Variants in CCDC88C observed in about 807,000 individuals in gnomAD.
The protein encoded by CCDC88C is coiled-coil and HOOK domain protein 88C.
Under a neutral mutation model 198.8 loss-of-function variants are expected in CCDC88C, and 131 were observed. That is an observed-to-expected ratio of 0.66 (90% CI 0.57 to 0.76). The LOEUF (loss-of-function observed/expected upper bound fraction) is 0.76, where lower values mean the gene tolerates loss of function less well. CCDC88C is among the 30% of genes least tolerant of loss of function. The pLI is 0.00. For missense variants in CCDC88C, 2,553 were observed against 2,631.6 expected (o/e 0.97, Z 0.65); for synonymous variants, 1,166 against 1,114.7 (o/e 1.05, Z -0.92).
At chr14:91,379,496 A>C in intron 3 of CCDC88C, 1 of 350,250 alleles carries the variant, frequency 2.9e-6, no homozygotes, top group Non-Finnish European at 5.3e-6. Context: ...GCAGCTAGGA[A>C]CTGGGCCCAC....
intron 26 of CCDC88C, 148 bp from the exon 27 acceptor site, chr14:91,281,673 C>A: frequency 1.5e-6 from 1 of 678,882 alleles, no homozygotes; most frequent in Middle Eastern, 4.0e-4. Context: ...TTGGGACCTG[C>A]CTCTCCTACC....
chr14:91,309,111 C>T (rs1256847046), intron 16 of CCDC88C, among the ~76,000 whole-genome samples: 2 of 152,172 alleles, frequency 1.3e-5, no homozygotes, highest in Non-Finnish European at 2.9e-5. Flanking sequence ...TGTCTGTAAT[C>T]TCAGCTACTC....
chr14:91,378,014 T>TG (rs148160005), intron 3 of CCDC88C, among the ~76,000 whole-genome samples: 29,403 of 151,186 alleles, frequency 0.19, 3,262 homozygotes, highest in Non-Finnish European at 0.26. Flanking sequence ...AAGAGGAGAG[T>TG]GGTACAGAAT....
intron 3 of CCDC88C, among the ~76,000 whole-genome samples, chr14:91,394,824 A>T (rs1032333542): frequency 6.6e-6 from 1 of 152,342 alleles, no homozygotes; most frequent in African/African-American, 2.4e-5. Flanking sequence ...CACACTCGCA[A>T]GATTAATCCA....
chr14:91,306,956 G>A (rs1218189698), intron 18 of CCDC88C, 82 bp downstream of exon 18: 3 of 1,376,866 alleles, frequency 2.2e-6, no homozygotes, highest in Non-Finnish European at 2.9e-6. Flanking sequence ...TTACAGCAAT[G>A]ACAAGTCATC....
At chr14:91,276,394 G>T (rs1889966484) in intron 29 of CCDC88C, among the ~76,000 whole-genome samples, 1 of 152,204 alleles carries the variant, frequency 6.6e-6, no homozygotes, top group African/African-American at 2.4e-5. Flanking sequence ...TAAGTGCTTG[G>T]GAAAGAGAAA....
chr14:91,410,658 G>A (rs527365984), intron 2 of CCDC88C, among the ~76,000 whole-genome samples: 82 of 152,278 alleles, frequency 5.4e-4, no homozygotes, highest in African/African-American at 1.9e-3. Flanking sequence ...AAGTGTTCCT[G>A]GCAGCATAAA....
chr14:91,272,795 AG>A lies in CCDC88C; in HGVS notation c.5916del (p.Cys1973AlafsTer92). The A allele has an allele frequency of 6.2e-7, 1 of 1,602,322 alleles. No individual in the cohort carries two copies. Among genetic ancestry groups the A allele is most frequent in the Non-Finnish European group, 8.5e-7 (1 of 1,175,108 alleles). On this transcript the variant is annotated frameshift_variant, in exon 30 of 30. Transcript: ENST00000389857. LOFTEE classifies it high-confidence loss of function. ...CTCTTGGCCGGAAGCCCCTCACTGC[AG>A]CCCTGCCCCGGGACCCCGTCTCCCT... is the stretch of plus-strand genomic sequence containing the variant. ...LSEGDGVPGQ[G>X]CSEGLPAKSP...
At chr14:91,402,390 C>T (rs748018145) in intron 3 of CCDC88C, among the ~76,000 whole-genome samples, 4 of 152,224 alleles carry the variant, frequency 2.6e-5, no homozygotes, top group Non-Finnish European at 5.9e-5. Flanking sequence ...GCATGCTTAT[C>T]TAATACAACT....
chr14:91,417,250 CATGAG>C (rs1428953537), intron 1 of CCDC88C: 2 of 699,676 alleles, frequency 2.9e-6, no homozygotes, highest in African/African-American at 3.5e-5. Flanking sequence ...AGAAAAACTA[CATGAG>C]ATATTTGGTT....
intron 14 of CCDC88C, 56 bp from the exon 15 acceptor site, chr14:91,314,206 A>T: frequency 7.3e-7 from 1 of 1,374,456 alleles, no homozygotes; most frequent in Non-Finnish European, 1.0e-6. Flanking sequence ...TATTTCAGTG[A>T]CATGGGCTCA....
At position 91,278,048 on chromosome 14, in the gene CCDC88C, C is replaced by T. The variant is rs1596014071; in HGVS notation, c.4932G>A (p.Glu1644=). 1.2e-6 allele frequency: 2 copies of T among 1,609,250 alleles called. No homozygotes were observed. The highest frequency in any genetic ancestry group is 1.7e-6 in the Non-Finnish European group (2 of 1,177,942). ...PLPRNGPLPQ[E]GAQKRGTAPP... is the part of the protein sequence containing the mutation. ...GGGCTGTGCCCCTCTTCTGGGCACC[C>T]TCCTGTGGGAGAGGCCCGTTCCGAG... is the stretch of plus-strand genomic sequence containing the variant. Residue 1644 remains glutamate, a synonymous_variant, in exon 29 of 30, where the codon GAG becomes GAA. Coordinates refer to ENST00000389857, the MANE Select transcript of CCDC88C (RefSeq NM_001080414.4).
rs1890236117 is a variant in CCDC88C, at chr14:91,282,406, TA to T, written c.4631-882del. ...GGATATTTTCCTATCTCTTAAATTATAAGGGGAATGCCCTTTTCCGTTTTAA... is the reference window on the plus strand; with the variant it reads ...GGATATTTTCCTATCTCTTAAATTATAGGGGAATGCCCTTTTCCGTTTTAA... On this transcript the variant is annotated intron_variant, in intron 26 of 29. Transcript: ENST00000389857. Among the ~76,000 whole-genome samples, 4 of 152,382 alleles carry T rather than the reference TA, an allele frequency of 2.6e-5. No individual in the cohort carries two copies. The South Asian group carries it at 8.3e-4, about 32-fold the overall frequency.
intron 13 of CCDC88C, among the ~76,000 whole-genome samples, chr14:91,319,929 G>A (rs532068121): frequency 2.0e-5 from 3 of 150,136 alleles, no homozygotes; most frequent in African/African-American, 7.4e-5. Context: ...GGAGGCTGAG[G>A]CAGGAGAATC....
chr14:91,300,307 T>TCC (rs1241060469), intron 20 of CCDC88C, among the ~76,000 whole-genome samples: 1 of 152,194 alleles, frequency 6.6e-6, no homozygotes, highest in Non-Finnish European at 1.5e-5. Context: ...GCCCGTTCTG[T>TCC]CTCCATAGTC....
chr14:91,417,818 G>A lies in CCDC88C; in HGVS notation c.-128C>T. ...CGGCGGCTCGCGCCCGGGAGACAAA[G>A]GCGGGGCGCGCGAGCCCACGTTCCG... is the stretch of plus-strand genomic sequence containing the variant. On this transcript the variant is annotated 5_prime_UTR_variant, in exon 1 of 30. Transcript: ENST00000389857. 1 of 420,784 alleles carries A rather than the reference G, an allele frequency of 2.4e-6. No homozygotes were observed. The highest frequency in any genetic ancestry group is 3.4e-6 in the Non-Finnish European group (1 of 292,716). The allele number at this position is 420,784 out of a possible 1,614,324, so 26.1% of individuals were successfully genotyped here.
Position 91,273,193 on chromosome 14 carries a change from G to A in CCDC88C, c.5519C>T (p.Thr1840Ile), listed in dbSNP as rs757901034. The change falls in exon 30 of 30, where the codon ACA becomes ATA. Residue 1840 changes from threonine (T) to isoleucine (I), a missense_variant. By Grantham distance (89) the Thr-to-Ile change is moderately conservative (BLOSUM62 -1). Coordinates refer to ENST00000389857, the MANE Select transcript of CCDC88C (RefSeq NM_001080414.4). The surrounding 1 kb of genome is among the most constrained non-coding windows in gnomAD (Gnocchi z 5.6). The part of the protein sequence containing the change: ...GAPEALGGRE[T>I]GSHTLQSPAP... ...GGGGCTTTGCAGGGTGTGGCTGCCT[G>A]TCTCTCTGCCCCCTAAGGCCTCAGG... The A allele has an allele frequency of 3.8e-6, 6 of 1,575,798 alleles. No individual in the cohort carries two copies. Among genetic ancestry groups the A allele is most frequent in the African/African-American group, 1.3e-5 (1 of 74,204 alleles).
In CCDC88C at chr14:91,278,222, G is replaced by C. The variant is rs753718761; in HGVS notation, c.4769-11C>G. 40 of 1,585,038 alleles carry C rather than the reference G, an allele frequency of 2.5e-5. No homozygotes were observed. The highest frequency in any genetic ancestry group is 3.4e-5 in the Non-Finnish European group (40 of 1,162,062). ...GCTGCTCGGAGGAGCCTGGGTGTCA[G>C]GGCAGGAGACAGAGGACCCTCATCA... On this transcript the variant is annotated splice_polypyrimidine_tract_variant and intron_variant, in intron 28 of 29. Transcript: ENST00000389857.
chr14:91,305,216 C>T (rs1351682444), intron 19 of CCDC88C, among the ~76,000 whole-genome samples: 1 of 152,132 alleles, frequency 6.6e-6, no homozygotes, highest in Non-Finnish European at 1.5e-5. Context: ...CAAACAAAAA[C>T]TGCAATAAAT....
Sources: gnomAD v4.1 joint callset for allele counts (sites outside exome capture counted in the v4.1 genomes callset) on GRCh38, gnomAD v4.1.1 for gene constraint, Gnocchi (gnomAD v3.1) non-coding constraint, MANE v1.5 for transcripts, NCBI Gene and HGNC (gene_info 2026-07-23, HGNC 2026-07-21) for gene names.